Variants in VPS37A observed in about 807,000 individuals in gnomAD.
VPS37A encodes vacuolar protein sorting-associated protein 37A.
A neutral mutation model predicts 49.8 loss-of-function variants in VPS37A; 30 were observed. The ratio of observed to expected loss-of-function variants is 0.60; its 90% confidence interval spans 0.45 to 0.82. The LOEUF (loss-of-function observed/expected upper bound fraction) is 0.82, where lower values mean the gene tolerates loss of function less well. Among genes scored for constraint, VPS37A ranks in the 40% least tolerant of loss-of-function variants. VPS37A has a pLI of 0.00. For missense variants in VPS37A, 593 were observed against 464.4 expected (o/e 1.28, Z -2.55); for synonymous variants, 195 against 160.6 (o/e 1.21, Z -1.62).
At chr8:17,275,214 C>T (rs1264321728) in intron 5 of VPS37A, among the ~76,000 whole-genome samples, 1 of 152,106 alleles carries the variant, frequency 6.6e-6, no homozygotes, top group Non-Finnish European at 1.5e-5. Context: ...TCCTAGGGAC[C>T]AAGGTAGAAC....
chr8:17,302,322 G>A, downstream of VPS37A: 1 of 1,573,484 alleles, frequency 6.4e-7, no homozygotes, highest in Non-Finnish European at 8.6e-7. Flanking sequence ...CCTTATCACA[G>A]TCTGAAAATT....
chr8:17,302,705 C>CT (rs1235615720), downstream of VPS37A, among the ~76,000 whole-genome samples: 313 of 34,712 alleles, frequency 9.0e-3, 22 homozygotes, highest in African/African-American at 0.021. Flanking sequence ...TGGCAATAAC[C>CT]CCCCCCCCCC....
downstream of VPS37A, among the ~76,000 whole-genome samples, chr8:17,304,215 C>G (rs1817305862): frequency 1.3e-5 from 2 of 152,312 alleles, no homozygotes; most frequent in South Asian, 2.1e-4. Flanking sequence ...AGAGGAGTCA[C>G]TGGCAAAAAT....
At chr8:17,273,416 G>C (rs116995403) in intron 4 of VPS37A, among the ~76,000 whole-genome samples, 12,777 of 152,186 alleles carry the variant, frequency 0.084, 758 homozygotes, top group South Asian at 0.24. Context: ...CCCCAGGCTG[G>C]AGTGCAGTGG....
At chr8:17,265,800 G>T in intron 1 of VPS37A, 107 bp from the exon 2 acceptor site, 2 of 1,575,384 alleles carry the variant, frequency 1.3e-6, no homozygotes, top group East Asian at 2.3e-5. Flanking sequence ...TCCAGATTCT[G>T]TGATTAAAAA....
At chr8:17,322,466 T>C in the VPS37A span, among the ~76,000 whole-genome samples, 1 of 152,230 alleles carries the variant, frequency 6.6e-6, no homozygotes. Context: ...ATCCTAGGTT[T>C]AACACGTGGT....
chr8:17,326,008 A>G, the VPS37A span, among the ~76,000 whole-genome samples: 2 of 152,214 alleles, frequency 1.3e-5, no homozygotes, highest in South Asian at 2.1e-4. Context: ...ATGATCATGA[A>G]TTAAAGTGGG....
chr8:17,316,858 T>C, the VPS37A span, among the ~76,000 whole-genome samples: 1 of 151,920 alleles, frequency 6.6e-6, no homozygotes, highest in South Asian at 2.1e-4. Context: ...TGAGAATCTA[T>C]GGGGGCTGGG....
chr8:17,311,769 T>G, the VPS37A span: 1 of 1,399,904 alleles, frequency 7.1e-7, no homozygotes, highest in Admixed American at 2.0e-5. Flanking sequence ...ATTCGTCTGT[T>G]TAGGGCCCCC....
At chr8:17,306,631 G>C (rs1482216481), downstream of VPS37A, among the ~76,000 whole-genome samples, 2 of 152,168 alleles carry the variant, frequency 1.3e-5, no homozygotes, top group East Asian at 1.9e-4. Flanking sequence ...GAATCCAAAA[G>C]GATGTTTTGG....
chr8:17,327,323 T>A, the VPS37A span, among the ~76,000 whole-genome samples: 27 of 152,146 alleles, frequency 1.8e-4, no homozygotes, highest in Non-Finnish European at 1.9e-4. Context: ...CAGGCTGGAG[T>A]CCAGTGGCAC....
At chr8:17,324,446 C>T in the VPS37A span, among the ~76,000 whole-genome samples, 1 of 152,174 alleles carries the variant, frequency 6.6e-6, no homozygotes, top group African/African-American at 2.4e-5. Context: ...CAGTAAATAA[C>T]TGAGCTGGAA....
At chr8:17,311,014 A>G in the VPS37A span, among the ~76,000 whole-genome samples, 1 of 152,154 alleles carries the variant, frequency 6.6e-6, no homozygotes, top group Non-Finnish European at 1.5e-5. Context: ...AACAACAACA[A>G]AAGGCTGTGA....
At chr8:17,315,310 A>G in the VPS37A span, among the ~76,000 whole-genome samples, 11 of 152,214 alleles carry the variant, frequency 7.2e-5, no homozygotes, top group Non-Finnish European at 1.6e-4. Context: ...GGAGACAGTA[A>G]AAAAATCAGC....
chr8:17,277,161 A>G (rs1359527312), intron 6 of VPS37A, among the ~76,000 whole-genome samples: 1 of 152,076 alleles, frequency 6.6e-6, no homozygotes, highest in African/African-American at 2.4e-5. Flanking sequence ...TGTACAGCCA[A>G]GTACCCATGA....
chr8:17,258,739 G>T (rs952270284), intron 1 of VPS37A, among the ~76,000 whole-genome samples: 3 of 152,004 alleles, frequency 2.0e-5, no homozygotes, highest in African/African-American at 7.2e-5. Context: ...GAAGCTATCA[G>T]GTCCTCAGCT....
chr8:17,304,270 C>A (rs764680380), downstream of VPS37A: 7 of 1,252,060 alleles, frequency 5.6e-6, no homozygotes, highest in East Asian at 2.4e-5. Flanking sequence ...TCTTTTGTGT[C>A]CAATAAAAGC....
the VPS37A span, among the ~76,000 whole-genome samples, chr8:17,320,571 C>G: frequency 6.6e-6 from 1 of 152,044 alleles, no homozygotes; most frequent in African/African-American, 2.4e-5. Flanking sequence ...AAGTAATGTA[C>G]CCAGGGTGCA....
the VPS37A span, among the ~76,000 whole-genome samples, chr8:17,330,335 C>T: frequency 1.8e-4 from 27 of 152,188 alleles, no homozygotes; most frequent in Non-Finnish European, 3.4e-4. Context: ...CAGGGCTTTC[C>T]CCAGAAGCGC....
Sources: allele counts gnomAD v4.1 joint callset (sites outside exome capture counted in the v4.1 genomes callset), GRCh38; gene constraint gnomAD v4.1.1; transcripts MANE v1.5; gene names NCBI Gene and HGNC (gene_info 2026-07-23, HGNC 2026-07-21).